Variants in PITPNC1 observed in about 807,000 individuals in gnomAD.
PITPNC1 encodes the protein cytoplasmic phosphatidylinositol transfer protein 1.
In PITPNC1, 18 loss-of-function variants were observed where a neutral mutation model predicts 44.7. The ratio of observed to expected loss-of-function variants is 0.40; its 90% CI spans 0.28 to 0.60. The LOEUF (loss-of-function observed/expected upper bound fraction) is 0.60. Ranked by LOEUF, PITPNC1 falls within the 20% of genes least tolerant of loss-of-function variation. The pLI is 0.39. For missense variants in PITPNC1, 290 were observed against 418.4 expected (o/e 0.69, Z 2.68); for synonymous variants, 141 against 149.6 (o/e 0.94, Z 0.42).
intron 5 of PITPNC1, among the ~76,000 whole-genome samples, chr17:67,621,405 G>A (rs546977947): frequency 6.6e-6 from 1 of 151,742 alleles, no homozygotes; most frequent in African/African-American, 2.4e-5. Context: ...ACGGGGTTTC[G>A]CCATGTTGGC....
chr17:67,488,722 G>C (rs940022233), intron 1 of PITPNC1, among the ~76,000 whole-genome samples: 1 of 152,124 alleles, frequency 6.6e-6, no homozygotes, highest in African/African-American at 2.4e-5. Flanking sequence ...CTGTTCAGTG[G>C]TAACTGCCTG....
At chr17:67,528,889 AATACGAG>A (rs2040424631) in intron 1 of PITPNC1, among the ~76,000 whole-genome samples, 1 of 152,248 alleles carries the variant, frequency 6.6e-6, no homozygotes, top group East Asian at 1.9e-4. Context: ...TCTGAGAGTC[AATACGAG>A]ATTTAAAAAC....
At chr17:67,496,012 C>G (rs535717588) in intron 1 of PITPNC1, among the ~76,000 whole-genome samples, 11 of 152,212 alleles carry the variant, frequency 7.2e-5, no homozygotes, top group Non-Finnish European at 1.6e-4. Context: ...ATTTTTGACT[C>G]TTTATGCTTA....
At chr17:67,405,315 G>C (rs1312164454) in intron 1 of PITPNC1, among the ~76,000 whole-genome samples, 1 of 151,838 alleles carries the variant, frequency 6.6e-6, no homozygotes. Context: ...TACTGGGGAG[G>C]CTGAGGTGGG....
At chr17:67,458,406 A>G (rs72845141) in intron 1 of PITPNC1, among the ~76,000 whole-genome samples, 281 of 152,280 alleles carry the variant, frequency 1.8e-3, no homozygotes, top group Admixed American at 4.8e-3. Context: ...TAATTTCCTC[A>G]GATCTGTCTT....
rs12451804 is a variant in PITPNC1, at chr17:67,571,650, C to T, written c.295-6536C>T. 8.1e-3 allele frequency among the ~76,000 whole-genome samples: 1,240 copies of T among 152,336 alleles called. 44 individuals carry two copies. Among genetic ancestry groups the T allele is most frequent in the Admixed American group, 0.063 (957 of 15,304 alleles). On this transcript the variant is annotated intron_variant, in intron 4 of 8. Transcript: ENST00000581322. ...GGATTCATTCCTTGTGGTTGAAGGA[C>T]GAAGGTCGCGTTTTCTAGCTGGTTC...
In PITPNC1 at chr17:67,475,395, G is replaced by A. The variant is rs147846067; in HGVS notation, c.49-57407G>A. ...GGTTTGTTTCATAAAACAGCCCGGG[G>A]TGTTTGGGACTCTTACTCCTTTACA... On this transcript the variant is annotated intron_variant, in intron 1 of 8. Transcript: ENST00000581322. 2.6e-3 allele frequency among the ~76,000 whole-genome samples: 391 copies of A among 152,288 alleles called. 1 individual carries two copies. Among genetic ancestry groups the A allele is most frequent in the African/African-American group, 9.1e-3 (377 of 41,552 alleles).
intron 6 of PITPNC1, among the ~76,000 whole-genome samples, chr17:67,652,281 T>C (rs957707219): frequency 4.6e-5 from 7 of 152,114 alleles, no homozygotes; most frequent in African/African-American, 9.7e-5. Flanking sequence ...CCTGTGGGCT[T>C]CTCCTTGCAC....
intron 1 of PITPNC1, among the ~76,000 whole-genome samples, chr17:67,516,765 C>T (rs2040264656): frequency 6.6e-6 from 1 of 152,176 alleles, no homozygotes; most frequent in Admixed American, 6.5e-5. Flanking sequence ...ATTACAGGCG[C>T]CCGCCACCAC....
chr17:67,482,958 T>C (rs533703985), intron 1 of PITPNC1, among the ~76,000 whole-genome samples: 30 of 152,202 alleles, frequency 2.0e-4, no homozygotes, highest in African/African-American at 7.2e-4. Context: ...CTCAGTCCTC[T>C]GCCCTGCCGC....
rs1271950871 is a variant in PITPNC1 at position 67,660,518 on chromosome 17, T to TTTTATTTTA, written c.463-8983_463-8982insTATTTATTT. On this transcript the variant is annotated intron_variant, in intron 6 of 8. Coordinates refer to ENST00000581322, the MANE Select transcript of PITPNC1 (RefSeq NM_012417.4). The stretch of plus-strand genomic sequence containing the variant: ...ATCATATATATTTTATTTTATTTTA[T>TTTTATTTTA]TTTATTTATTTATTTATTTATTTGT... Among the ~76,000 whole-genome samples the TTTTATTTTA allele has an allele frequency of 5.3e-3, 734 of 139,408 alleles. 11 individuals carry two copies. The highest frequency in any genetic ancestry group is 0.02 in the African/African-American group (671 of 33,982). The allele number at this position is 139,408 out of a possible 152,430, so 91.5% of individuals were successfully genotyped here. A position where few individuals can be genotyped will look rare whatever the true frequency, so the allele number is the denominator to read the frequency against.
intron 1 of PITPNC1, among the ~76,000 whole-genome samples, chr17:67,517,787 G>A (rs908153450): frequency 6.6e-6 from 1 of 152,190 alleles, no homozygotes; most frequent in African/African-American, 2.4e-5. Flanking sequence ...AGTGGGTATG[G>A]AGTTTCTTTT....
At chr17:67,414,141 T>C (rs764011804) in intron 1 of PITPNC1, among the ~76,000 whole-genome samples, 8 of 150,544 alleles carry the variant, frequency 5.3e-5, no homozygotes, top group Middle Eastern at 3.5e-3. Flanking sequence ...GACTCCCATG[T>C]ACCCTCAACC....
At chr17:67,584,057 G>A (rs934378390) in intron 5 of PITPNC1, among the ~76,000 whole-genome samples, 8 of 151,962 alleles carry the variant, frequency 5.3e-5, no homozygotes, top group Non-Finnish European at 1.2e-4. Context: ...GATTTTTACA[G>A]TTCCCCCAGG....
intron 5 of PITPNC1, among the ~76,000 whole-genome samples, chr17:67,586,779 C>T (rs1473001328): frequency 1.3e-5 from 2 of 152,136 alleles, no homozygotes; most frequent in Non-Finnish European, 2.9e-5. Flanking sequence ...TTAGGACACC[C>T]CATTACATTG....
intron 1 of PITPNC1, among the ~76,000 whole-genome samples, chr17:67,460,713 C>T (rs1389025576): frequency 4.0e-5 from 6 of 150,528 alleles, no homozygotes; most frequent in African/African-American, 4.9e-5. Context: ...CCGTGCCCGG[C>T]CCTTTCTTTT....
intron 7 of PITPNC1, among the ~76,000 whole-genome samples, chr17:67,673,669 G>C (rs1189345582): frequency 6.6e-6 from 1 of 152,032 alleles, no homozygotes; most frequent in Non-Finnish European, 1.5e-5. Flanking sequence ...TAAAAATTGA[G>C]GCCAGGCGTG....
At chr17:67,460,429 GT>G (rs879935962) in intron 1 of PITPNC1, among the ~76,000 whole-genome samples, 62 of 145,278 alleles carry the variant, frequency 4.3e-4, no homozygotes, top group African/African-American at 6.5e-4. Context: ...AAATTTTCTT[GT>G]TTTTTTTTTT....
At position 67,693,000 on chromosome 17, in the gene PITPNC1, G is replaced by C. The variant is rs776241483; in HGVS notation, c.*112G>C. 1 of 700,890 alleles carries C rather than the reference G, an allele frequency of 1.4e-6. No individual in the cohort carries two copies. Among genetic ancestry groups the C allele is most frequent in the South Asian group, 1.8e-5 (1 of 54,160 alleles). The allele number at this position is 700,890 out of a possible 1,614,324, so 43.4% of individuals were successfully genotyped here. ...CTTTGTCACTCAAACATGTTCCTTC[G>C]ACCTTTCAGTGTGCATGTGACTCAG... On this transcript the variant is annotated 3_prime_UTR_variant, in exon 9 of 9. Coordinates refer to ENST00000581322, the MANE Select transcript of PITPNC1 (RefSeq NM_012417.4).
Sources: gnomAD v4.1 joint callset for allele counts (sites outside exome capture counted in the v4.1 genomes callset) on GRCh38, gnomAD v4.1.1 for gene constraint, MANE v1.5 for transcripts, NCBI Gene and HGNC (gene_info 2026-07-23, HGNC 2026-07-21) for gene names.